The following MAP4 variants were observed in gnomAD, a reference collection of about 807,000 sequenced individuals.
MAP4 encodes the protein microtubule-associated protein 4.
In MAP4, 76 loss-of-function variants were observed where a neutral mutation model predicts 170.2. That is an observed-to-expected ratio of 0.45 (90% CI 0.37 to 0.54). MAP4 has a LOEUF of 0.54. Ranked by LOEUF, MAP4 falls within the 20% of genes least tolerant of loss-of-function variation. MAP4 has a pLI of 0.00. For missense variants in MAP4, 2,506 were observed against 2,748.0 expected (o/e 0.91, Z 1.97); for synonymous variants, 909 against 994.5 (o/e 0.91, Z 1.62).
chr3:47,889,363 GCC>G (rs1475842151), intron 10 of MAP4, among the ~76,000 whole-genome samples: 1 of 152,186 alleles, frequency 6.6e-6, no homozygotes, highest in African/African-American at 2.4e-5. Context: ...GGGTTCCAAG[GCC>G]CACCTCAAAT....
intron 3 of MAP4, among the ~76,000 whole-genome samples, chr3:47,944,611 G>A (rs2100058546): frequency 6.6e-6 from 1 of 151,748 alleles, no homozygotes. Flanking sequence ...CCTTTCCAAG[G>A]ACAGCAAATA....
At chr3:48,000,493 T>C (rs2100098550) in intron 1 of MAP4, among the ~76,000 whole-genome samples, 1 of 152,098 alleles carries the variant, frequency 6.6e-6, no homozygotes, top group African/African-American at 2.4e-5. Flanking sequence ...TCTCCCCTAA[T>C]ACAAACCAAT....
intron 1 of MAP4, among the ~76,000 whole-genome samples, chr3:48,047,919 TTCTC>T (rs2100125434): frequency 6.6e-6 from 1 of 152,202 alleles, no homozygotes; most frequent in Non-Finnish European, 1.5e-5. Flanking sequence ...ACATTTGTGG[TTCTC>T]TATCACTTAA....
chr3:48,061,601 G>C (rs1366126611), intron 1 of MAP4, among the ~76,000 whole-genome samples: 2 of 152,216 alleles, frequency 1.3e-5, no homozygotes, highest in African/African-American at 4.8e-5. Flanking sequence ...TGCAGCCTCT[G>C]CCCGGCCGCC....
intron 3 of MAP4, among the ~76,000 whole-genome samples, chr3:47,959,510 A>G (rs1398521367): frequency 1.3e-5 from 2 of 151,804 alleles, no homozygotes; most frequent in Non-Finnish European, 2.9e-5. Context: ...TAATCCCAGC[A>G]CTTTGGGAGG....
chr3:48,023,438 G>A (rs746884922), intron 1 of MAP4, among the ~76,000 whole-genome samples: 3 of 152,134 alleles, frequency 2.0e-5, no homozygotes, highest in Admixed American at 2.0e-4. Flanking sequence ...AGGAGGCTTC[G>A]GAAAGATGGA....
chr3:48,062,473 G>GA (rs2100136178), intron 1 of MAP4, among the ~76,000 whole-genome samples: 1 of 69,530 alleles, frequency 1.4e-5, no homozygotes, highest in Non-Finnish European at 2.6e-5. Flanking sequence ...CCTTCTGCGA[G>GA]AAACACCCAA....
chr3:47,906,796 A>T (rs574214439), intron 9 of MAP4, among the ~76,000 whole-genome samples: 4 of 120,534 alleles, frequency 3.3e-5, no homozygotes, highest in East Asian at 2.0e-4. Context: ...AAAAAAGATT[A>T]AAAAAAAAAA....
At chr3:47,872,269 C>T (rs559920778) in intron 12 of MAP4, among the ~76,000 whole-genome samples, 169 bp from the exon 13 acceptor site, 15 of 152,242 alleles carry the variant, frequency 9.9e-5, no homozygotes, top group Admixed American at 2.6e-4. Flanking sequence ...CTGCAGCCTC[C>T]GCCTCCCAGG....
chr3:47,980,559 A>G (rs2100084889), intron 2 of MAP4, among the ~76,000 whole-genome samples: 1 of 152,208 alleles, frequency 6.6e-6, no homozygotes, highest in African/African-American at 2.4e-5. Context: ...GAACAGCCAA[A>G]GAGAACAATC....
rs1472731012 is a variant in MAP4 at position 48,068,179 on chromosome 3, C to T, written c.-20+20594G>A. 2.8e-5 allele frequency among the ~76,000 whole-genome samples: 4 copies of T among 144,268 alleles called. No homozygotes were observed. The South Asian group carries it at 6.6e-4, about 24-fold the overall frequency. 94.6% of individuals were successfully genotyped at this position (144,268 alleles called of 152,430 possible). A position where few individuals can be genotyped will look rare whatever the true frequency, so the allele number is the denominator to read the frequency against. ...ACTCAGGAGGCTGAGGTGGGAAGAT[C>T]ATTTGAGCCCAGGAGGCAGAGGCTG... On this transcript the variant is annotated intron_variant, in intron 1 of 18. Transcript: ENST00000360240.
intron 3 of MAP4, among the ~76,000 whole-genome samples, chr3:47,932,571 T>A (rs2100050506): frequency 6.6e-6 from 1 of 152,176 alleles, no homozygotes. Context: ...TTTCTTCACA[T>A]CTTCACCAAC....
intron 9 of MAP4, among the ~76,000 whole-genome samples, chr3:47,908,043 T>C (rs1276261745): frequency 7.1e-6 from 1 of 141,138 alleles, no homozygotes; most frequent in East Asian, 2.1e-4. Context: ...CTAAAACCAA[T>C]TGGTGTTTTT....
intron 1 of MAP4, among the ~76,000 whole-genome samples, chr3:48,056,679 T>C (rs1195717347): frequency 3.9e-3 from 261 of 66,940 alleles, no homozygotes; most frequent in South Asian, 6.3e-3. Flanking sequence ...GGGTCAGCCC[T>C]CCGCCCGGCC....
At chr3:47,959,604 A>C (rs2100070206) in intron 3 of MAP4, among the ~76,000 whole-genome samples, 1 of 151,518 alleles carries the variant, frequency 6.6e-6, no homozygotes, top group African/African-American at 2.4e-5. Context: ...AAAATACAAA[A>C]AGAAATTAGC....
intron 10 of MAP4, among the ~76,000 whole-genome samples, chr3:47,899,477 G>A (rs1458471230): frequency 1.3e-5 from 2 of 152,100 alleles, no homozygotes; most frequent in African/African-American, 4.8e-5. Flanking sequence ...ACTCACCTCT[G>A]CAAAGTCTCT....
chr3:48,054,426 G>A (rs2100129545), intron 1 of MAP4, among the ~76,000 whole-genome samples: 1 of 151,864 alleles, frequency 6.6e-6, no homozygotes, highest in Admixed American at 6.6e-5. Context: ...TTCAAGACCA[G>A]CCTGGCCAAC....
At chr3:48,045,686 G>A (rs984588224) in intron 1 of MAP4, among the ~76,000 whole-genome samples, 2 of 152,268 alleles carry the variant, frequency 1.3e-5, no homozygotes, top group Non-Finnish European at 2.9e-5. Context: ...ATTTATTAGG[G>A]GTAGTTTAAA....
chr3:47,929,627 CAAAAAAAAAAAAAAAA>C lies in MAP4; in HGVS notation c.293-1293_293-1278del, dbSNP rs71070242. 1.2e-3 allele frequency among the ~76,000 whole-genome samples: 13 copies of C among 11,206 alleles called. No individual in the cohort carries two copies. In the East Asian group the frequency reaches 0.024, roughly 21 times the overall value. The allele number at this position is 11,206 out of a possible 152,430, so 7.4% of individuals were successfully genotyped here. ...GTAGCTCACTTGCTAACTTATTATGCAAAAAAAAAAAAAAAAAAAAAAAAAAAAAAGACAAGACAAA... is the reference window on the plus strand; with the variant it reads ...GTAGCTCACTTGCTAACTTATTATGCAAAAAAAAAAAAAAGACAAGACAAA... On this transcript the variant is annotated intron_variant, in intron 3 of 20. Transcript: ENST00000683076.
Sources: allele counts gnomAD v4.1 joint callset (sites outside exome capture counted in the v4.1 genomes callset), GRCh38; gene constraint gnomAD v4.1.1; transcripts MANE v1.5; gene names NCBI Gene and HGNC (gene_info 2026-07-23, HGNC 2026-07-21).